NECAB3: variants seen among roughly 807,000 people sequenced by gnomAD.
NECAB3 encodes N-terminal EF-hand calcium-binding protein 3.
NECAB3 carries 38 observed loss-of-function variants against 57.2 expected under a neutral mutation model. The ratio of observed to expected loss-of-function variants is 0.66; its 90% CI spans 0.51 to 0.87. The LOEUF (loss-of-function observed/expected upper bound fraction) is 0.87, where lower values mean the gene tolerates loss of function less well. NECAB3 is among the 40% of genes least tolerant of loss of function. NECAB3 has a pLI of 0.00. For synonymous variants in NECAB3, 223 were observed against 222.6 expected (o/e 1.00, Z -0.02); for missense variants, 474 against 527.5 (o/e 0.90, Z 0.99).
intron 5 of NECAB3, chr20:33,663,479 G>A: frequency 6.4e-7 from 1 of 1,551,596 alleles, no homozygotes; most frequent in Non-Finnish European, 8.7e-7. Context: ...GCCCCGGGTC[G>A]TGGGCTCGGC....
Position 33,664,007 on chromosome 20 carries a change from A to G in NECAB3, c.388-3612T>C, listed in dbSNP as rs1601161910. 11 of 694,296 alleles carry G rather than the reference A, an allele frequency of 1.6e-5. No homozygotes were observed. In the East Asian group the frequency reaches 3.7e-4, roughly 23 times the overall value. 43.0% of individuals were successfully genotyped at this position (694,296 alleles called of 1,614,324 possible). On this transcript the variant is annotated intron_variant, in intron 5 of 11. Transcript: ENST00000246190. Reference sequence around the variant, plus strand: ...GCAGAGGGGTGAACGGGGCGTGATGAAGGCAGAGCCATCGCCACGGTCTGG... The same window carrying G: ...GCAGAGGGGTGAACGGGGCGTGATGGAGGCAGAGCCATCGCCACGGTCTGG...
intron 5 of NECAB3, chr20:33,663,625 T>C: frequency 6.2e-7 from 1 of 1,608,580 alleles, no homozygotes. Context: ...TGGGCTGGGC[T>C]CCCCGGCGGC....
At chr20:33,669,116 A>C in intron 5 of NECAB3, 1 of 501,590 alleles carries the variant, frequency 2.0e-6, no homozygotes. Context: ...TGCTGGAAAC[A>C]GAATAAAACA....
intron 5 of NECAB3, chr20:33,669,171 G>A: frequency 3.4e-6 from 2 of 581,128 alleles, no homozygotes; most frequent in Non-Finnish European, 6.1e-6. Flanking sequence ...AGTGATGTAT[G>A]AAGGGCAGCT....
chr20:33,657,698 C>G lies in NECAB3; in HGVS notation c.*131G>C. ...AGCAGCCCAGTCCCTGATCCCTGGG[C>G]TGAGAGCCCTTCCACCAGGCCCAAG... On this transcript the variant is annotated 3_prime_UTR_variant, in exon 12 of 12. Transcript: ENST00000246190. 1 of 891,386 alleles carries G rather than the reference C, an allele frequency of 1.1e-6. No individual in the cohort carries two copies. Among genetic ancestry groups the G allele is most frequent in the Non-Finnish European group, 1.7e-6 (1 of 599,574 alleles). 55.2% of individuals were successfully genotyped at this position (891,386 alleles called of 1,614,324 possible). A position where few individuals can be genotyped will look rare whatever the true frequency, so the allele number is the denominator to read the frequency against.
chr20:33,666,600 C>CA (rs1380481143), intron 5 of NECAB3: 12 of 152,458 alleles, frequency 7.9e-5, no homozygotes, highest in African/African-American at 2.9e-4. Flanking sequence ...CCTTCGCCCT[C>CA]AAAGTTCTGC....
intron 5 of NECAB3, among the ~76,000 whole-genome samples, chr20:33,665,891 T>C (rs1002843880): frequency 1.3e-5 from 2 of 152,180 alleles, no homozygotes; most frequent in African/African-American, 4.8e-5. Context: ...GAGACCAGCC[T>C]GGCCAACGTG....
chr20:33,662,259 A>G, intron 5 of NECAB3: 1 of 1,501,198 alleles, frequency 6.7e-7, no homozygotes, highest in East Asian at 2.5e-5. Flanking sequence ...TGGTGAGGTC[A>G]GCCCGTGAGG....
At position 33,660,241 on chromosome 20, in the gene NECAB3, G is replaced by A. The variant is rs960128330; in HGVS notation, c.524+18C>T. The A allele has an allele frequency of 6.2e-7, 1 of 1,609,912 alleles. No individual in the cohort carries two copies. Among genetic ancestry groups the A allele is most frequent in the African/African-American group, 1.3e-5 (1 of 74,884 alleles). ...CGCTTGTGCACTAGCCCCACAGGTT[G>A]ACAGCACCCTTACATACCGCCAGCC... On this transcript the variant is annotated intron_variant, in intron 6 of 11. Coordinates refer to ENST00000246190, the MANE Select transcript of NECAB3 (RefSeq NM_031232.4). This position sits in a 1 kb window ranked among gnomAD's most constrained non-coding sequence, Gnocchi z 4.1.
intron 10 of NECAB3, 143 bp downstream of exon 10, chr20:33,658,334 G>T: frequency 1.2e-6 from 1 of 850,990 alleles, no homozygotes; most frequent in Non-Finnish European, 1.9e-6. Flanking sequence ...CTTCCATTTT[G>T]GAAAGGACTC....
At position 33,658,051 on chromosome 20, in the gene NECAB3, A is replaced by C; in HGVS notation, c.1071-18T>G. ...GCTGGTGCCTGCAGAGACCCAGGCTACAGTGACCTCGCTCTCCCCACTCCC... is the reference window on the plus strand; with the variant it reads ...GCTGGTGCCTGCAGAGACCCAGGCTCCAGTGACCTCGCTCTCCCCACTCCC... On this transcript the variant is annotated intron_variant, in intron 10 of 11. Coordinates refer to ENST00000246190, the MANE Select transcript of NECAB3 (RefSeq NM_031232.4). 6.5e-7 allele frequency: 1 copy of C among 1,548,704 alleles called. No individual in the cohort carries two copies. Among genetic ancestry groups the C allele is most frequent in the Non-Finnish European group, 8.7e-7 (1 of 1,145,950 alleles).
At chr20:33,663,605 C>G (rs1491004226) in intron 5 of NECAB3, 8 of 1,610,826 alleles carry the variant, frequency 5.0e-6, no homozygotes, top group Non-Finnish European at 6.8e-6. Context: ...ATTGACTACG[C>G]GTCCGGCGCT....
chr20:33,663,756 C>G (rs1428582849), intron 5 of NECAB3: 1 of 1,461,596 alleles, frequency 6.8e-7, no homozygotes, highest in South Asian at 1.4e-5. Flanking sequence ...CAGCTCTGAG[C>G]TGGCCGCGGC....
rs1306223357 is a variant in NECAB3 at position 33,660,249 on chromosome 20, C to T, written c.524+10G>A. 1.2e-6 allele frequency: 2 copies of T among 1,611,774 alleles called. No individual in the cohort carries two copies. The highest frequency in any genetic ancestry group is 1.3e-5 in the African/African-American group (1 of 75,024). ...CACTAGCCCCACAGGTTGACAGCACCCTTACATACCGCCAGCCATGGGCCT... is the reference window on the plus strand; with the variant it reads ...CACTAGCCCCACAGGTTGACAGCACTCTTACATACCGCCAGCCATGGGCCT... On this transcript the variant is annotated intron_variant, in intron 6 of 11. Transcript: ENST00000246190. This position sits in a 1 kb window ranked among gnomAD's most constrained non-coding sequence, Gnocchi z 4.1.
intron 3 of NECAB3, 163 bp downstream of exon 3, chr20:33,670,521 C>CAT: frequency 1.9e-6 from 1 of 539,616 alleles, no homozygotes; most frequent in Non-Finnish European, 3.3e-6. Flanking sequence ...AAGGCTGTAG[C>CAT]TGGAGAGGGG....
intron 5 of NECAB3, chr20:33,663,341 G>C: frequency 1.7e-6 from 1 of 597,794 alleles, no homozygotes; most frequent in Non-Finnish European, 2.8e-6. Context: ...GCCACGCAGG[G>C]AAGGGCGGGC....
chr20:33,662,986 GA>G (rs1188082278), intron 5 of NECAB3, among the ~76,000 whole-genome samples: 1 of 152,220 alleles, frequency 6.6e-6, no homozygotes, highest in African/African-American at 2.4e-5. Flanking sequence ...TCCAGAACCA[GA>G]AAGTGGATGA....
intron 5 of NECAB3, chr20:33,662,572 T>C (rs1361295948): frequency 2.2e-6 from 3 of 1,334,888 alleles, no homozygotes; most frequent in African/African-American, 1.5e-5. Flanking sequence ...AGGCCTTGTA[T>C]GCAGAAGTCC....
intron 5 of NECAB3, chr20:33,667,636 G>T (rs1030848628): frequency 6.2e-7 from 1 of 1,605,976 alleles, no homozygotes; most frequent in Non-Finnish European, 8.5e-7. Context: ...CCGACTGAAC[G>T]TGGCAGGCAG....
Sources: gnomAD v4.1 joint callset for allele counts (sites outside exome capture counted in the v4.1 genomes callset) on GRCh38, gnomAD v4.1.1 for gene constraint, Gnocchi (gnomAD v3.1) non-coding constraint, MANE v1.5 for transcripts, NCBI Gene and HGNC (gene_info 2026-07-23, HGNC 2026-07-21) for gene names.